Variants in UGT2B28 observed in about 807,000 individuals in gnomAD.
UGT2B28 encodes the protein UDP-glucuronosyltransferase 2B28.
A neutral mutation model predicts 43.6 loss-of-function variants in UGT2B28; 45 were observed. That is an observed-to-expected ratio of 1.03 (90% CI 0.81 to 1.32). The LOEUF is 1.32. UGT2B28 is among the 40% of genes most tolerant of loss of function. The probability of loss-of-function intolerance (pLI) is 0.00; values close to 1 mark genes in which losing one functional copy is unlikely to be tolerated. For missense variants in UGT2B28, 649 were observed against 625.5 expected, an observed-to-expected ratio of 1.04 and a Z score of -0.40; for synonymous variants, 204 against 208.1, an observed-to-expected ratio of 0.98 and a Z score of 0.17.
At chr4:69,283,480 A>G (rs1331307191) in intron 2 of UGT2B28, among the ~76,000 whole-genome samples, 2 of 140,348 alleles carry the variant, frequency 1.4e-5, no homozygotes, top group African/African-American at 5.5e-5. Flanking sequence ...CACACTGTAA[A>G]GAGCCAACCA....
rs775141594 is a variant in UGT2B28 at position 69,280,955 on chromosome 4, C to T, written c.455C>T (p.Ala152Val). The T allele has an allele frequency of 5.8e-6, 9 of 1,559,654 alleles. 1 individual carries two copies. Among genetic ancestry groups the T allele is most frequent in the Non-Finnish European group, 6.9e-6 (8 of 1,155,538 alleles). Residue 152 changes from alanine (A) to valine (V), a missense_variant, in exon 1 of 6, where the codon GCT (alanine) becomes GTT (valine). By Grantham distance (64) the Ala-to-Val change is moderately conservative (BLOSUM62 0). Coordinates refer to ENST00000335568, the MANE Select transcript of UGT2B28 (RefSeq NM_053039.2). ...ESRFDIIFADAFFPCGELLAA... is the reference protein window; with the variant it reads ...ESRFDIIFADVFFPCGELLAA... ...AGATTTGACATCATTTTTGCAGATG[C>T]TTTTTTTCCTTGTGGTGAGCTGCTG...
chr4:69,292,782 C>A lies in UGT2B28; in HGVS notation c.1311-1748C>A, dbSNP rs751147433. Among the ~76,000 whole-genome samples the A allele has an allele frequency of 2.0e-4, 28 of 139,536 alleles. 5 individuals carry two copies. The highest frequency in any genetic ancestry group is 3.6e-4 in the Admixed American group (5 of 13,854). The allele number at this position is 139,536 out of a possible 152,430, so 91.5% of individuals were successfully genotyped here. A position where few individuals can be genotyped will look rare whatever the true frequency, so the allele number is the denominator to read the frequency against. ...TAGGAAATATAAAAAGATTCAATAT[C>A]ATGAAGACTATATGATCCAGCCATA... On this transcript the variant is annotated intron_variant, in intron 5 of 5. Transcript: ENST00000335568.
Position 69,287,012 on chromosome 4 carries a change from G to T in UGT2B28, c.1002+129G>T. 2 of 1,409,260 alleles carry T rather than the reference G, an allele frequency of 1.4e-6. 1 individual carries two copies. Among genetic ancestry groups the T allele is most frequent in the Non-Finnish European group, 1.9e-6 (2 of 1,077,286 alleles). 87.3% of individuals were successfully genotyped at this position (1,409,260 alleles called of 1,614,324 possible). Reference sequence around the variant, plus strand: ...CCAAATACAGTCTTAAATATCTTGTGTAGCTTCCACCGACACAAGTCATAG... The same window carrying T: ...CCAAATACAGTCTTAAATATCTTGTTTAGCTTCCACCGACACAAGTCATAG... On this transcript the variant is annotated intron_variant, in intron 3 of 5. Coordinates refer to ENST00000335568, the MANE Select transcript of UGT2B28 (RefSeq NM_053039.2).
chr4:69,294,284 T>A (rs1286867050), intron 5 of UGT2B28, among the ~76,000 whole-genome samples: 3 of 140,366 alleles, frequency 2.1e-5, no homozygotes, highest in Non-Finnish European at 4.6e-5. Context: ...ATATTTTCTC[T>A]GCTTGAAAAA....
chr4:69,289,796 C>T lies in UGT2B28; in HGVS notation c.1090+44C>T, dbSNP rs557392925. The T allele has an allele frequency of 1.9e-5, 27 of 1,438,076 alleles. 6 individuals carry two copies. In the Admixed American group the frequency reaches 5.1e-4, roughly 27 times the overall value. 89.1% of individuals were successfully genotyped at this position (1,438,076 alleles called of 1,614,324 possible). A position where few individuals can be genotyped will look rare whatever the true frequency, so the allele number is the denominator to read the frequency against. On this transcript the variant is annotated intron_variant, in intron 4 of 5. Coordinates refer to ENST00000335568, the MANE Select transcript of UGT2B28 (RefSeq NM_053039.2). ...AATACTGGATATATTAGTAACTGCA[C>T]ATTAGAATGTTAATAGTTTATCTTG... is the stretch of plus-strand genomic sequence containing the variant.
chr4:69,293,594 G>A (rs1196466786), intron 5 of UGT2B28, among the ~76,000 whole-genome samples: 2 of 139,920 alleles, frequency 1.4e-5, no homozygotes, highest in Admixed American at 7.2e-5. Flanking sequence ...AGGGAGAGAA[G>A]CATGCCTTGG....
chr4:69,293,161 T>A (rs1247477309), intron 5 of UGT2B28, among the ~76,000 whole-genome samples: 5 of 140,284 alleles, frequency 3.6e-5, no homozygotes, highest in Non-Finnish European at 7.6e-5. Context: ...AAAAGACACT[T>A]TTGAGTACAT....
rs527557104 is a variant in UGT2B28, at chr4:69,292,614, T to G, written c.1310+1803T>G. 2.8e-5 allele frequency among the ~76,000 whole-genome samples: 4 copies of G among 140,376 alleles called. 2 individuals carry two copies. The Admixed American group carries it at 2.9e-4, about 10-fold the overall frequency. The allele number at this position is 140,376 out of a possible 152,430, so 92.1% of individuals were successfully genotyped here. ...AATTAACAAATGGATTCTTACAATC[T>G]AAAATGATATACAAACACATATATA... On this transcript the variant is annotated intron_variant, in intron 5 of 5. Coordinates refer to ENST00000335568, the MANE Select transcript of UGT2B28 (RefSeq NM_053039.2).
intron 2 of UGT2B28, among the ~76,000 whole-genome samples, chr4:69,283,677 AT>A (rs1723688225): frequency 7.1e-6 from 1 of 141,164 alleles, no homozygotes; most frequent in South Asian, 2.3e-4. Flanking sequence ...CAGAAATGTT[AT>A]TAATTTTGCA....
chr4:69,293,206 A>T (rs1577998242), intron 5 of UGT2B28, among the ~76,000 whole-genome samples: 1 of 139,696 alleles, frequency 7.2e-6, no homozygotes, highest in Admixed American at 7.3e-5. Context: ...AAGCAAAACT[A>T]ATGTTGTGAT....
Position 69,290,881 on chromosome 4 carries a change from T to G in UGT2B28, c.1310+70T>G, listed in dbSNP as rs1723937409. The G allele has an allele frequency of 2.1e-6, 3 of 1,441,848 alleles. No individual in the cohort carries two copies. The Admixed American group carries it at 6.3e-5, about 30-fold the overall frequency. 89.3% of individuals were successfully genotyped at this position (1,441,848 alleles called of 1,614,324 possible). A position where few individuals can be genotyped will look rare whatever the true frequency, so the allele number is the denominator to read the frequency against. ...TTCTCTTTTCAATAGTGAGCATGAG[T>G]TTCATCCTTTTTATAAGAGAGTAAT... On this transcript the variant is annotated intron_variant, in intron 5 of 5. Coordinates refer to ENST00000335568, the MANE Select transcript of UGT2B28 (RefSeq NM_053039.2).
chr4:69,283,481 G>A (rs1408625603), intron 2 of UGT2B28, among the ~76,000 whole-genome samples: 1 of 140,166 alleles, frequency 7.1e-6, no homozygotes, highest in Non-Finnish European at 1.5e-5. Flanking sequence ...ACACTGTAAA[G>A]AGCCAACCAT....
At position 69,294,914 on chromosome 4, in the gene UGT2B28, CAA is replaced by C. The variant is rs878962247; in HGVS notation, c.*115_*116del. On this transcript the variant is annotated 3_prime_UTR_variant, in exon 6 of 6. Transcript: ENST00000335568. ...ATGCAAGATTTCTTTCTTCCTGTGA[CAA>C]AAAAAAAAACTTTTCAAAATCTACC... The C allele has an allele frequency of 3.0e-5, 29 of 977,594 alleles. No homozygotes were observed. The highest frequency in any genetic ancestry group is 1.2e-4 in the South Asian group (4 of 33,980). 60.6% of individuals were successfully genotyped at this position (977,594 alleles called of 1,614,324 possible).
rs964092566 is a variant in UGT2B28 at position 69,288,273 on chromosome 4, C to T, written c.1002+1390C>T. On this transcript the variant is annotated intron_variant, in intron 3 of 5. Coordinates refer to ENST00000335568, the MANE Select transcript of UGT2B28 (RefSeq NM_053039.2). ...AATTTGTAATTCCAATGAAGTTATA[C>T]GTAAAACCTTGGCAGCATTTATTTA... is the stretch of plus-strand genomic sequence containing the variant. Among the ~76,000 whole-genome samples, 7 of 139,492 alleles carry T rather than the reference C, an allele frequency of 5.0e-5. 1 individual carries two copies. Among genetic ancestry groups the T allele is most frequent in the East Asian group, 4.1e-4 (2 of 4,922 alleles). The allele number at this position is 139,492 out of a possible 152,430, so 91.5% of individuals were successfully genotyped here.
At chr4:69,281,246 T>C in intron 1 of UGT2B28, 25 bp downstream of exon 1, 1 of 1,470,580 alleles carries the variant, frequency 6.8e-7, no homozygotes, top group Non-Finnish European at 9.0e-7. Context: ...AATCGGGAAC[T>C]TGAAGATCTA....
chr4:69,290,453 T>G, intron 4 of UGT2B28, 139 bp from the exon 5 acceptor site: 1 of 1,162,702 alleles, frequency 8.6e-7, no homozygotes, highest in Non-Finnish European at 1.2e-6. Flanking sequence ...CAAGTACGTG[T>G]TTATTCCTCT....
rs1227621708 is a variant in UGT2B28 at position 69,290,693 on chromosome 4, G to A, written c.1192G>A (p.Asp398Asn). 1.2e-5 allele frequency: 18 copies of A among 1,559,282 alleles called. 3 individuals are homozygous for A. Among genetic ancestry groups the A allele is most frequent in the Middle Eastern group, 1.7e-4 (1 of 5,860 alleles). ...IPMVGIPLFW[D>N]QPDNIAHMKA... Reference sequence around the variant, plus strand: ...TATGGTAGGCATTCCATTGTTTTGGGATCAACCTGATAACATTGCTCACAT... The same window carrying A: ...TATGGTAGGCATTCCATTGTTTTGGAATCAACCTGATAACATTGCTCACAT... Residue 398 changes from aspartate (D) to asparagine (N), a missense_variant, in exon 5 of 6, where the codon GAT becomes AAT. Transcript: ENST00000335568.
intron 1 of UGT2B28, 84 bp from the exon 2 acceptor site, chr4:69,282,430 C>A: frequency 7.2e-7 from 1 of 1,381,288 alleles, no homozygotes; most frequent in Non-Finnish European, 9.5e-7. Context: ...ACATCTTTGC[C>A]TACATAATTC....
In UGT2B28 at chr4:69,294,867, C is replaced by A; in HGVS notation, c.*58C>A. 7.0e-7 allele frequency: 1 copy of A among 1,427,306 alleles called. No individual in the cohort carries two copies. Among genetic ancestry groups the A allele is most frequent in the Non-Finnish European group, 9.2e-7 (1 of 1,089,662 alleles). 88.4% of individuals were successfully genotyped at this position (1,427,306 alleles called of 1,614,324 possible). On this transcript the variant is annotated 3_prime_UTR_variant, in exon 6 of 6. Transcript: ENST00000335568. ...TAGATGGGTTGACATCAGTTTATTC[C>A]AGCAAGAAAGAAAAGATTGTTATGC... is the stretch of plus-strand genomic sequence containing the variant.
Sources: gnomAD v4.1 joint callset for allele counts (sites outside exome capture counted in the v4.1 genomes callset) on GRCh38, gnomAD v4.1.1 for gene constraint, MANE v1.5 for transcripts, NCBI Gene and HGNC (gene_info 2026-07-23, HGNC 2026-07-21) for gene names.